STAP1: variants seen among roughly 807,000 people sequenced by gnomAD.
STAP1 encodes signal-transducing adaptor protein 1.
Under a neutral mutation model 37.8 loss-of-function variants are expected in STAP1, and 30 were observed. The observed-to-expected ratio is 0.79, with a 90% CI of 0.59 to 1.08. The LOEUF (loss-of-function observed/expected upper bound fraction) is 1.08, where lower values mean the gene tolerates loss of function less well. Ranked by LOEUF, STAP1 falls within the 50% of genes least tolerant of loss-of-function variation. The pLI, the probability that STAP1 is intolerant of heterozygous loss-of-function variation, is 0.00. For missense variants in STAP1, 357 were observed against 349.4 expected (o/e 1.02, Z -0.17); for synonymous variants, 130 against 116.0 (o/e 1.12, Z -0.78).
chr4:67,602,517 G>A (rs952637997), intron 8 of STAP1, among the ~76,000 whole-genome samples: 3 of 152,166 alleles, frequency 2.0e-5, no homozygotes, highest in Non-Finnish European at 4.4e-5. Flanking sequence ...AAAGAATTGA[G>A]TATTCTGATC....
intron 4 of STAP1, among the ~76,000 whole-genome samples, chr4:67,580,919 C>T (rs1447563743): frequency 1.3e-5 from 2 of 152,182 alleles, no homozygotes; most frequent in Non-Finnish European, 2.9e-5. Flanking sequence ...TTTCAGATAA[C>T]TTATGAGAGA....
intron 8 of STAP1, among the ~76,000 whole-genome samples, chr4:67,593,766 G>T (rs1191472247): frequency 1.3e-5 from 2 of 152,176 alleles, no homozygotes; most frequent in South Asian, 2.1e-4. Flanking sequence ...AAGAAGAGAC[G>T]ATGAAAACTG....
At chr4:67,583,329 A>G (rs1727906337) in intron 5 of STAP1, among the ~76,000 whole-genome samples, 1 of 152,216 alleles carries the variant, frequency 6.6e-6, no homozygotes, top group African/African-American at 2.4e-5. Flanking sequence ...ATAACTTTTC[A>G]GGTTCTCTTT....
chr4:67,569,130 C>T (rs1727542022), intron 1 of STAP1, among the ~76,000 whole-genome samples: 2 of 152,160 alleles, frequency 1.3e-5, no homozygotes, highest in Admixed American at 6.5e-5. Flanking sequence ...TGGCTACAAA[C>T]CTGTATAGCA....
chr4:67,569,965 A>C (rs1306076300), intron 1 of STAP1, among the ~76,000 whole-genome samples: 1 of 152,122 alleles, frequency 6.6e-6, no homozygotes, highest in African/African-American at 2.4e-5. Flanking sequence ...TCCTGGCCTC[A>C]AGGGAGTCGC....
intron 1 of STAP1, among the ~76,000 whole-genome samples, chr4:67,567,346 C>T (rs538328927): frequency 2.8e-5 from 4 of 144,230 alleles, no homozygotes; most frequent in African/African-American, 5.1e-5. Flanking sequence ...AGGTTCATTG[C>T]ATGTTATAAC....
chr4:67,560,716 A>G (rs1727317218), intron 1 of STAP1, among the ~76,000 whole-genome samples: 1 of 151,644 alleles, frequency 6.6e-6, no homozygotes, highest in African/African-American at 2.4e-5. Flanking sequence ...GCAATGGTGC[A>G]ATCACTAGTC....
intron 1 of STAP1, among the ~76,000 whole-genome samples, chr4:67,566,011 C>A (rs1159536351): frequency 7.5e-6 from 1 of 133,848 alleles, no homozygotes; most frequent in South Asian, 2.4e-4. Flanking sequence ...TGCAGTGGCG[C>A]GATCTCTGCT....
chr4:67,576,912 A>T (rs13143984), intron 3 of STAP1, among the ~76,000 whole-genome samples: 81,467 of 152,074 alleles, frequency 0.54, 22,708 homozygotes, highest in Non-Finnish European at 0.63. Flanking sequence ...CTGCTAATGG[A>T]GAGAGTAACT....
chr4:67,604,431 G>A (rs1163142355), intron 8 of STAP1, among the ~76,000 whole-genome samples: 1 of 152,118 alleles, frequency 6.6e-6, no homozygotes, highest in Non-Finnish European at 1.5e-5. Flanking sequence ...GCTGATAGCT[G>A]GAGGGTTCTA....
At chr4:67,582,251 A>C (rs1329398608) in intron 5 of STAP1, among the ~76,000 whole-genome samples, 3 of 152,142 alleles carry the variant, frequency 2.0e-5, no homozygotes, top group African/African-American at 7.2e-5. Flanking sequence ...ATAAAAGATT[A>C]AAATCATTCC....
intron 7 of STAP1, among the ~76,000 whole-genome samples, chr4:67,591,331 T>A (rs10002440): frequency 0.55 from 83,365 of 152,056 alleles, 24,546 homozygotes; most frequent in Non-Finnish European, 0.65. Flanking sequence ...CCTCTCTTAA[T>A]AGCAACATAG....
rs542842004 is a variant in STAP1 at position 67,599,641 on chromosome 4, T to C, written c.826+6285T>C. On this transcript the variant is annotated intron_variant, in intron 8 of 8. Coordinates refer to ENST00000265404, the MANE Select transcript of STAP1 (RefSeq NM_012108.4). ...GTTTGTTGATTTTCTTTTTTCTTTT[T>C]CTTTTTTTTTTTATTTTTGAGATGG... 1.3e-3 allele frequency among the ~76,000 whole-genome samples: 201 copies of C among 151,892 alleles called. 2 individuals are homozygous for C. The highest frequency in any genetic ancestry group is 4.6e-3 in the African/African-American group (192 of 41,438).
chr4:67,575,793 A>G (rs978667018), intron 3 of STAP1, among the ~76,000 whole-genome samples: 5 of 152,206 alleles, frequency 3.3e-5, no homozygotes, highest in Admixed American at 2.0e-4. Flanking sequence ...ATGAGCCAAT[A>G]AAAGTCACCC....
chr4:67,563,862 T>C (rs1727406036), intron 1 of STAP1, among the ~76,000 whole-genome samples: 1 of 152,014 alleles, frequency 6.6e-6, no homozygotes, highest in Non-Finnish European at 1.5e-5. Context: ...GTAGGTTTCC[T>C]AGTTAAGCTA....
rs766397325 is a variant in STAP1 at position 67,590,918 on chromosome 4, G to A, written c.694G>A (p.Val232Ile). ...AATCAAGCACTACAAAGTGATGAGCGTAGGACAAAACTACACTATTGAACT... is the reference window on the plus strand; with the variant it reads ...AATCAAGCACTACAAAGTGATGAGCATAGGACAAAACTACACTATTGAACT... The part of the protein sequence containing the change: ...PRIKHYKVMS[V>I]GQNYTIELEK... The change falls in exon 7 of 9, where the codon GTA (valine) becomes ATA (isoleucine). Residue 232 changes from valine (V) to isoleucine (I), a missense_variant. Val to Ile is a conservative substitution (Grantham distance 29, BLOSUM62 3). Coordinates refer to ENST00000265404, the MANE Select transcript of STAP1 (RefSeq NM_012108.4). 78 of 1,612,582 alleles carry A rather than the reference G, an allele frequency of 4.8e-5. No homozygotes were observed. Among genetic ancestry groups the A allele is most frequent in the Non-Finnish European group, 6.1e-5 (72 of 1,179,422 alleles).
At chr4:67,573,032 T>C (rs948222547) in intron 2 of STAP1, among the ~76,000 whole-genome samples, 3 of 152,126 alleles carry the variant, frequency 2.0e-5, no homozygotes, top group African/African-American at 7.2e-5. Flanking sequence ...CTTTTTAAAG[T>C]GATAGTCTCA....
At chr4:67,577,426 G>T (rs1296494381) in intron 4 of STAP1, among the ~76,000 whole-genome samples, 167 bp downstream of exon 4, 1 of 152,134 alleles carries the variant, frequency 6.6e-6, no homozygotes, top group African/African-American at 2.4e-5. Context: ...TCAGGTGGTG[G>T]AGAGGGAGAA....
Position 67,575,494 on chromosome 4 carries a change from T to C in STAP1, c.302T>C (p.Leu101Pro), listed in dbSNP as rs1727700033. 2 of 1,606,134 alleles carry C rather than the reference T, an allele frequency of 1.2e-6. No homozygotes were observed. The highest frequency in any genetic ancestry group is 1.7e-6 in the Non-Finnish European group (2 of 1,175,474). ...TLVLPKEEVQLKTENTESGEE... is the reference protein window; with the variant it reads ...TLVLPKEEVQPKTENTESGEE... ...GTTTTGCCGAAAGAGGAAGTACAAC[T>C]GAAGGTGAGCGAGGAGAAACAGTAG... Residue 101 changes from leucine (L) to proline (P), a missense_variant, in exon 3 of 9, where the codon CTG (leucine) becomes CCG (proline). Transcript: ENST00000265404.
Sources: gnomAD v4.1 joint callset for allele counts (sites outside exome capture counted in the v4.1 genomes callset) on GRCh38, gnomAD v4.1.1 for gene constraint, MANE v1.5 for transcripts, NCBI Gene and HGNC (gene_info 2026-07-23, HGNC 2026-07-21) for gene names.